Variants in AGBL1 observed in about 807,000 individuals in gnomAD.
AGBL1 encodes the protein cytosolic carboxypeptidase 4.
In AGBL1, 130 loss-of-function variants were observed where a neutral mutation model predicts 118.9. That is an observed-to-expected ratio of 1.09 (90% CI 0.95 to 1.26). The LOEUF (loss-of-function observed/expected upper bound fraction) is 1.26, where lower values mean the gene tolerates loss of function less well. Ranked by LOEUF, AGBL1 falls within the 50% of genes most tolerant of loss-of-function variation. AGBL1 has a pLI of 0.00. For missense variants in AGBL1, 1,584 were observed against 1,298.1 expected (o/e 1.22, Z -3.38); for synonymous variants, 555 against 478.9 (o/e 1.16, Z -2.08).
At chr15:86,500,844 A>G (rs2082909852) in intron 18 of AGBL1, among the ~76,000 whole-genome samples, 1 of 151,696 alleles carries the variant, frequency 6.6e-6, no homozygotes, top group Non-Finnish European at 1.5e-5. Flanking sequence ...GTTTCTTTCT[A>G]TGGCTCAATA....
rs560364797 is a variant in AGBL1, at chr15:87,022,197, G to A, written c.3324-6628G>A. The stretch of plus-strand genomic sequence containing the variant: ...TCAGCCCTACACCTTCCCTCTGACA[G>A]AGTCTACCCAAATGAGAAGGAACCA... On this transcript the variant is annotated intron_variant, in intron 24 of 24. Transcript: ENST00000441037. 1.4e-4 allele frequency among the ~76,000 whole-genome samples: 21 copies of A among 152,108 alleles called. No individual in the cohort carries two copies. The South Asian group carries it at 1.5e-3, about 11-fold the overall frequency.
intron 17 of AGBL1, among the ~76,000 whole-genome samples, chr15:86,332,601 G>A (rs1364699460): frequency 6.8e-6 from 1 of 147,034 alleles, no homozygotes; most frequent in Admixed American, 6.9e-5. Flanking sequence ...AGCCAAGATT[G>A]CGCCACTGCA....
At chr15:86,907,020 G>C (rs2080289815) in intron 22 of AGBL1, 67 bp from the exon 23 acceptor site, 1 of 151,434 alleles carries the variant, frequency 6.6e-6, no homozygotes, top group Admixed American at 6.6e-5. Flanking sequence ...CTTTCCCTTT[G>C]TACATTTTCC....
intron 23 of AGBL1, among the ~76,000 whole-genome samples, chr15:86,956,078 G>A (rs2080927433): frequency 6.6e-6 from 1 of 152,084 alleles, no homozygotes; most frequent in African/African-American, 2.4e-5. Flanking sequence ...ATTGTTGGTA[G>A]TAGCAAGAAA....
At chr15:86,854,221 C>T (rs981408879) in intron 22 of AGBL1, among the ~76,000 whole-genome samples, 1 of 152,134 alleles carries the variant, frequency 6.6e-6, no homozygotes, top group East Asian at 1.9e-4. Flanking sequence ...GGTGTACATC[C>T]CTTTGTATCA....
chr15:86,917,708 G>A (rs1309761954), downstream of AGBL1, among the ~76,000 whole-genome samples: 1 of 152,112 alleles, frequency 6.6e-6, no homozygotes, highest in African/African-American at 2.4e-5. The surrounding 1 kb of genome is among the most constrained non-coding windows in gnomAD (Gnocchi z 4.8). Flanking sequence ...GGGATGAAAA[G>A]CTGCTCTGCT....
intron 17 of AGBL1, among the ~76,000 whole-genome samples, chr15:86,392,796 C>G (rs943647176): frequency 6.6e-6 from 1 of 152,114 alleles, no homozygotes; most frequent in Non-Finnish European, 1.5e-5. Flanking sequence ...CATGACTCCC[C>G]CGTAGACTAT....
At chr15:86,745,472 G>T (rs2077742428) in intron 22 of AGBL1, among the ~76,000 whole-genome samples, 1 of 151,940 alleles carries the variant, frequency 6.6e-6, no homozygotes, top group African/African-American at 2.4e-5. Context: ...CTAAAAAGGA[G>T]GTGCAGAGAA....
chr15:86,343,247 G>A (rs1209280212), intron 17 of AGBL1, among the ~76,000 whole-genome samples: 3 of 152,132 alleles, frequency 2.0e-5, no homozygotes, highest in Non-Finnish European at 4.4e-5. Context: ...TAATACAAAA[G>A]ATTAGATAAA....
chr15:86,225,007 A>T, intron 6 of AGBL1, 56 bp downstream of exon 6: 9 of 1,499,380 alleles, frequency 6.0e-6, no homozygotes, highest in Non-Finnish European at 8.3e-6. Context: ...TTAATGAAAG[A>T]TACTTTCTGG....
At chr15:86,358,832 G>A (rs2141916279) in intron 17 of AGBL1, among the ~76,000 whole-genome samples, 1 of 151,970 alleles carries the variant, frequency 6.6e-6, no homozygotes, top group East Asian at 1.9e-4. Flanking sequence ...CTTGAGAAAT[G>A]TTTATTCAGG....
chr15:86,967,752 C>G (rs2196062), intron 23 of AGBL1, among the ~76,000 whole-genome samples: 150,905 of 152,246 alleles, frequency 0.99, 74,849 homozygotes, highest in Middle Eastern at 1. Context: ...TTTGAAGTTA[C>G]GTAGCATGAT....
At chr15:86,738,157 T>C (rs1419728114) in intron 22 of AGBL1, among the ~76,000 whole-genome samples, 4 of 152,232 alleles carry the variant, frequency 2.6e-5, no homozygotes, top group African/African-American at 9.6e-5. Flanking sequence ...AATTCATTTA[T>C]CAGTTTGATA....
intron 18 of AGBL1, among the ~76,000 whole-genome samples, chr15:86,413,069 C>T (rs1185391811): frequency 2.6e-5 from 4 of 152,054 alleles, no homozygotes; most frequent in African/African-American, 9.7e-5. Context: ...AGATCCTGCC[C>T]ACTAACAACT....
At chr15:86,777,431 T>C (rs1297071409) in intron 22 of AGBL1, among the ~76,000 whole-genome samples, 1 of 152,090 alleles carries the variant, frequency 6.6e-6, no homozygotes, top group Non-Finnish European at 1.5e-5. Context: ...CATCTATTTT[T>C]TTTTCCCTTT....
At chr15:86,825,751 AAAAC>A (rs998528905) in intron 22 of AGBL1, among the ~76,000 whole-genome samples, 111 of 150,410 alleles carry the variant, frequency 7.4e-4, no homozygotes, top group Non-Finnish European at 1.2e-3. Flanking sequence ...GAAAGAAAGA[AAAAC>A]AAACCAATAA....
chr15:86,865,167 C>T (rs895964383), intron 22 of AGBL1, among the ~76,000 whole-genome samples: 1 of 152,156 alleles, frequency 6.6e-6, no homozygotes, highest in Non-Finnish European at 1.5e-5. Context: ...TAACACTTTA[C>T]ATCATTTCAC....
At chr15:86,207,243 T>A (rs1239300971) in intron 5 of AGBL1, among the ~76,000 whole-genome samples, 3 of 152,242 alleles carry the variant, frequency 2.0e-5, no homozygotes, top group Non-Finnish European at 4.4e-5. Context: ...TCAGGCAGCA[T>A]GATGCCTCCA....
intron 22 of AGBL1, among the ~76,000 whole-genome samples, chr15:86,873,261 A>ATT (rs2079755484): frequency 6.6e-6 from 1 of 151,898 alleles, no homozygotes; most frequent in South Asian, 2.1e-4. Context: ...GGTTTTTCCT[A>ATT]TTTCCCTGCT....
Sources: allele counts gnomAD v4.1 joint callset (sites outside exome capture counted in the v4.1 genomes callset), GRCh38; gene constraint gnomAD v4.1.1; non-coding constraint Gnocchi (gnomAD v3.1); transcripts MANE v1.5; gene names NCBI Gene and HGNC (gene_info 2026-07-23, HGNC 2026-07-21).